The following HPS3 variants were observed in gnomAD, a reference collection of about 807,000 sequenced individuals.
HPS3 encodes BLOC-2 complex member HPS3.
Under a neutral mutation model 110.9 loss-of-function variants are expected in HPS3, and 79 were observed. The observed-to-expected ratio is 0.71, with a 90% CI of 0.59 to 0.86. The LOEUF (loss-of-function observed/expected upper bound fraction) is 0.86, where lower values mean the gene tolerates loss of function less well. Ranked by LOEUF, HPS3 falls within the 40% of genes least tolerant of loss-of-function variation. The probability of loss-of-function intolerance (pLI) is 0.00; values close to 1 mark genes in which losing one functional copy is unlikely to be tolerated. For synonymous variants in HPS3, 428 were observed against 451.0 expected (o/e 0.95, Z 0.65); for missense variants, 1,197 against 1,206.2 (o/e 0.99, Z 0.11).
Position 149,140,251 on chromosome 3 carries a change from A to G in HPS3, c.465A>G (p.Lys155=). 3 of 1,614,226 alleles carry G rather than the reference A, an allele frequency of 1.9e-6. No homozygotes were observed. The highest frequency in any genetic ancestry group is 3.3e-4 in the Middle Eastern group (2 of 6,062). The change falls in exon 2 of 17, where the codon AAA becomes AAG. Residue 155 remains lysine (K), a synonymous_variant. Coordinates refer to ENST00000296051, the MANE Select transcript of HPS3 (RefSeq NM_032383.5). ...ACCTTCTCGTTGGCTGCACAAATAA[A>G]TTAGTCTTATTTAGTTTGAAGTACC... ...KGDLLVGCTN[K]LVLFSLKYQI... is the part of the protein sequence containing the mutation.
intron 1 of HPS3, among the ~76,000 whole-genome samples, chr3:149,131,967 G>C (rs1458005309): frequency 6.6e-6 from 1 of 152,214 alleles, no homozygotes; most frequent in Admixed American, 6.5e-5. Context: ...GCTTAATACA[G>C]AGCAAGGCCC....
intron 6 of HPS3, among the ~76,000 whole-genome samples, chr3:149,152,774 A>G (rs1723212678): frequency 6.6e-6 from 1 of 152,228 alleles, no homozygotes; most frequent in South Asian, 2.1e-4. Context: ...AACAGCATGC[A>G]TGGACAAGAA....
At chr3:149,136,478 A>G (rs952772812) in intron 1 of HPS3, among the ~76,000 whole-genome samples, 11 of 152,184 alleles carry the variant, frequency 7.2e-5, no homozygotes, top group African/African-American at 2.7e-4. Flanking sequence ...TTTCCCTTCT[A>G]TCAGTTGGGG....
Position 149,173,651 on chromosome 3 carries a change from C to G in HPS3, c.*1429C>G, listed in dbSNP as rs1725202222. 1 of 1,067,706 alleles carries G rather than the reference C, an allele frequency of 9.4e-7. No individual in the cohort carries two copies. Among genetic ancestry groups the G allele is most frequent in the African/African-American group, 1.6e-5 (1 of 63,248 alleles). The allele number at this position is 1,067,706 out of a possible 1,614,324, so 66.1% of individuals were successfully genotyped here. A position where few individuals can be genotyped will look rare whatever the true frequency, so the allele number is the denominator to read the frequency against. On this transcript the variant is annotated 3_prime_UTR_variant, in exon 17 of 17. Coordinates refer to ENST00000296051, the MANE Select transcript of HPS3 (RefSeq NM_032383.5). The stretch of plus-strand genomic sequence containing the variant: ...AAAGTAACATTCTATTTTACACTTT[C>G]ACATACATTGTTATGAATCATTGGT...
intron 16 of HPS3, among the ~76,000 whole-genome samples, chr3:149,171,486 T>G (rs1724984109): frequency 6.6e-6 from 1 of 152,190 alleles, no homozygotes; most frequent in Non-Finnish European, 1.5e-5. Flanking sequence ...CAAATGATTG[T>G]ACTTTTCTTT....
At chr3:149,141,251 T>C in intron 3 of HPS3, 44 bp from the exon 4 acceptor site, 25 of 1,602,426 alleles carry the variant, frequency 1.6e-5, no homozygotes, top group Non-Finnish European at 2.0e-5. Flanking sequence ...TTAAAGTACA[T>C]GGAAGTTATA....
In HPS3 at chr3:149,172,301, G is replaced by T. The variant is rs1725075331; in HGVS notation, c.*79G>T. On this transcript the variant is annotated 3_prime_UTR_variant, in exon 17 of 17. Coordinates refer to ENST00000296051, the MANE Select transcript of HPS3 (RefSeq NM_032383.5). ...TGAATGCCAAAGTACAAGTAGAGGA[G>T]TTTTTTATTTTATATATCACACACA... 4 of 974,648 alleles carry T rather than the reference G, an allele frequency of 4.1e-6. No individual in the cohort carries two copies. The South Asian group carries it at 5.4e-5, about 13-fold the overall frequency. The allele number at this position is 974,648 out of a possible 1,614,324, so 60.4% of individuals were successfully genotyped here.
At chr3:149,132,857 T>C (rs1721857398) in intron 1 of HPS3, among the ~76,000 whole-genome samples, 1 of 152,210 alleles carries the variant, frequency 6.6e-6, no homozygotes, top group African/African-American at 2.4e-5. Flanking sequence ...TTGGAAGTAG[T>C]TGATTCCAAC....
chr3:149,145,120 AT>A (rs1215503948), intron 4 of HPS3, among the ~76,000 whole-genome samples: 2 of 152,186 alleles, frequency 1.3e-5, no homozygotes, highest in Non-Finnish European at 2.9e-5. Flanking sequence ...GTTAACAGCC[AT>A]TGATGATCAT....
At chr3:149,167,003 A>C (rs1444735280) in intron 14 of HPS3, 31 bp from the exon 15 acceptor site, 1 of 1,552,462 alleles carries the variant, frequency 6.4e-7, no homozygotes, top group African/African-American at 1.4e-5. Context: ...GAGGTGCCTC[A>C]TTTCATAACA....
rs191769024 is a variant in HPS3 at position 149,161,798 on chromosome 3, C to T, written c.2107-350C>T. Among the ~76,000 whole-genome samples, 480 of 152,296 alleles carry T rather than the reference C, an allele frequency of 3.2e-3. 1 individual carries two copies. The highest frequency in any genetic ancestry group is 0.011 in the African/African-American group (468 of 41,558). On this transcript the variant is annotated intron_variant, in intron 11 of 16. Transcript: ENST00000296051. ...GTGCTGGGATTACAGGTGTGAGCTACTGCACTCAGCCATCCCGAATATTTT... is the reference window on the plus strand; with the variant it reads ...GTGCTGGGATTACAGGTGTGAGCTATTGCACTCAGCCATCCCGAATATTTT...
At chr3:149,160,860 C>G (rs952163332) in intron 11 of HPS3, among the ~76,000 whole-genome samples, 2 of 152,184 alleles carry the variant, frequency 1.3e-5, no homozygotes, top group African/African-American at 2.4e-5. Context: ...CAGGCCTATT[C>G]TAAGCTCCTT....
At chr3:149,130,064 G>A in intron 1 of HPS3, 124 bp downstream of exon 1, 2 of 957,848 alleles carry the variant, frequency 2.1e-6, no homozygotes, top group African/African-American at 1.6e-5. Context: ...GAATTTGCCG[G>A]ATGGTCTCCC....
At chr3:149,163,675 A>G (rs112017963) in intron 13 of HPS3, among the ~76,000 whole-genome samples, 167 bp from the exon 14 acceptor site, 37 of 152,314 alleles carry the variant, frequency 2.4e-4, no homozygotes, top group African/African-American at 8.7e-4. Context: ...AGACTGAAAT[A>G]TTTTCCAGGG....
chr3:149,139,682 G>T (rs1339558184), intron 1 of HPS3, among the ~76,000 whole-genome samples: 1 of 152,152 alleles, frequency 6.6e-6, no homozygotes, highest in East Asian at 1.9e-4. Context: ...TTCTGTGTCA[G>T]TAGAGCTTTG....
At chr3:149,149,334 C>T (rs1458748484) in intron 5 of HPS3, among the ~76,000 whole-genome samples, 5 of 152,054 alleles carry the variant, frequency 3.3e-5, no homozygotes, top group African/African-American at 1.2e-4. Flanking sequence ...CTCATCTGTC[C>T]TTCCGGTCCC....
intron 10 of HPS3, among the ~76,000 whole-genome samples, chr3:149,159,766 T>C (rs548664425): frequency 1.3e-5 from 2 of 152,358 alleles, no homozygotes; most frequent in South Asian, 4.1e-4. Flanking sequence ...GTTTATTTTC[T>C]TCTTCTGAAG....
At chr3:149,130,270 A>C (rs1721677632) in intron 1 of HPS3, 1 of 414,952 alleles carries the variant, frequency 2.4e-6, no homozygotes, top group Admixed American at 4.0e-5. Flanking sequence ...TTAGTGCATC[A>C]GATTTCAAAG....
intron 5 of HPS3, among the ~76,000 whole-genome samples, chr3:149,146,370 G>A (rs1396954255): frequency 6.6e-6 from 1 of 152,166 alleles, no homozygotes; most frequent in African/African-American, 2.4e-5. Flanking sequence ...TTGGGAGGAG[G>A]GAAGTTACTT....
Sources: allele counts gnomAD v4.1 joint callset (sites outside exome capture counted in the v4.1 genomes callset), GRCh38; gene constraint gnomAD v4.1.1; transcripts MANE v1.5; gene names NCBI Gene and HGNC (gene_info 2026-07-23, HGNC 2026-07-21).